Variants in DCBLD1 observed in about 807,000 individuals in gnomAD.
The protein encoded by DCBLD1 is discoidin, CUB and LCCL domain-containing protein 1.
DCBLD1 carries 57 observed loss-of-function variants against 71.5 expected under a neutral mutation model. That is an observed-to-expected ratio of 0.80 (90% CI 0.64 to 0.99). The LOEUF (loss-of-function observed/expected upper bound fraction) is 0.99. Among genes scored for constraint, DCBLD1 ranks in the 50% least tolerant of loss-of-function variants. The pLI is 0.00. For synonymous variants in DCBLD1, 380 were observed against 363.8 expected, an observed-to-expected ratio of 1.04 and a Z score of -0.51; for missense variants, 891 against 923.5, an observed-to-expected ratio of 0.96 and a Z score of 0.46.
In DCBLD1 at chr6:117,548,121, G is replaced by A; in HGVS notation, c.1830G>A (p.Leu610=). 1 of 1,549,800 alleles carries A rather than the reference G, an allele frequency of 6.5e-7. No homozygotes were observed. Among genetic ancestry groups the A allele is most frequent in the Non-Finnish European group, 8.7e-7 (1 of 1,146,596 alleles). The part of the protein sequence containing the change: ...YATPIVERHV[L]RAHTFSAQSG... ...CGCCCATCGTGGAGCGGCACGTGCT[G>A]CGCGCCCACACGTTCTCTGCGCAGA... is the stretch of plus-strand genomic sequence containing the variant. The change falls in exon 15 of 15, where the codon CTG becomes CTA. Residue 610 remains leucine, a synonymous_variant. Transcript: ENST00000338728.
rs1340800567 is a variant in DCBLD1, at chr6:117,549,035, G to C, written c.*596G>C. ...ACTTGAAGCATGAAAAGCACACCAG[G>C]GTGGTTGTTTATTTAGCAATTATGA... On this transcript the variant is annotated 3_prime_UTR_variant, in exon 15 of 15. Transcript: ENST00000338728. 1 of 986,270 alleles carries C rather than the reference G, an allele frequency of 1.0e-6. No individual in the cohort carries two copies. Among genetic ancestry groups the C allele is most frequent in the African/African-American group, 1.7e-5 (1 of 57,192 alleles). The allele number at this position is 986,270 out of a possible 1,614,324, so 61.1% of individuals were successfully genotyped here. A position where few individuals can be genotyped will look rare whatever the true frequency, so the allele number is the denominator to read the frequency against.
At position 117,564,213 on chromosome 6, in the gene DCBLD1, C is replaced by T. The variant is rs138088099; in HGVS notation, c.1616-5407C>T. On this transcript the variant is annotated intron_variant, in intron 14 of 14. Coordinates refer to the DCBLD1 transcript ENST00000296955. Reference sequence around the variant, plus strand: ...CAGGTTGGTAACTCCTGGCCTCAAGCGATCCTCCTGCCTTGGCCTCCCAAA... The same window carrying T: ...CAGGTTGGTAACTCCTGGCCTCAAGTGATCCTCCTGCCTTGGCCTCCCAAA... 9.7e-3 allele frequency among the ~76,000 whole-genome samples: 1,480 copies of T among 152,184 alleles called. 15 individuals are homozygous for T. The highest frequency in any genetic ancestry group is 0.017 in the Non-Finnish European group (1,131 of 67,998).
At chr6:117,523,707 A>G (rs1223104802) in intron 4 of DCBLD1, among the ~76,000 whole-genome samples, 2 of 152,218 alleles carry the variant, frequency 1.3e-5, no homozygotes, top group African/African-American at 4.8e-5. Flanking sequence ...GGAAAAAATT[A>G]TGGAATATTT....
At chr6:117,566,981 A>G (rs778892567) in intron 14 of DCBLD1, 2 of 1,610,394 alleles carry the variant, frequency 1.2e-6, no homozygotes, top group Admixed American at 3.4e-5. Flanking sequence ...CGTTTTCATC[A>G]TCAGAATCCA....
intron 1 of DCBLD1, among the ~76,000 whole-genome samples, chr6:117,498,300 A>G (rs1582971472): frequency 6.6e-6 from 1 of 152,194 alleles, no homozygotes; most frequent in East Asian, 1.9e-4. Context: ...GGCCCATTAC[A>G]GAGAGACCAC....
chr6:117,569,447 C>T, intron 14 of DCBLD1: 5 of 1,280,904 alleles, frequency 3.9e-6, no homozygotes, highest in Non-Finnish European at 5.3e-6. Context: ...AGCATTAAAT[C>T]AAAGGAAACA....
At chr6:117,489,340 A>G (rs1461087031) in intron 1 of DCBLD1, among the ~76,000 whole-genome samples, 1 of 152,184 alleles carries the variant, frequency 6.6e-6, no homozygotes, top group Non-Finnish European at 1.5e-5. Flanking sequence ...GCCATTCATG[A>G]GGGATCTGTC....
chr6:117,538,526 A>T, intron 7 of DCBLD1, 94 bp from the exon 8 acceptor site: 2 of 1,157,852 alleles, frequency 1.7e-6, no homozygotes, highest in Non-Finnish European at 2.5e-6. Flanking sequence ...AAAGTCAACT[A>T]GTTGAATATT....
chr6:117,523,677 G>T (rs1320457608), intron 4 of DCBLD1, among the ~76,000 whole-genome samples: 2 of 152,148 alleles, frequency 1.3e-5, no homozygotes, highest in South Asian at 2.1e-4. Flanking sequence ...CTGCAATGCA[G>T]GGACTCCAAA....
chr6:117,506,134 T>TACA (rs1398122846), intron 2 of DCBLD1, among the ~76,000 whole-genome samples: 1 of 152,132 alleles, frequency 6.6e-6, no homozygotes, highest in Non-Finnish European at 1.5e-5. Flanking sequence ...GGCACCTGCT[T>TACA]GGCTCTTACA....
chr6:117,551,364 C>CATTT (rs66551810), downstream of DCBLD1, among the ~76,000 whole-genome samples: 467 of 148,156 alleles, frequency 3.2e-3, no homozygotes, highest in East Asian at 0.017. Context: ...TGAGTATTTC[C>CATTT]ATTTATTTAT....
At chr6:117,493,143 A>AATATGCATGGCAAT (rs1477194190) in intron 1 of DCBLD1, among the ~76,000 whole-genome samples, 4 of 152,206 alleles carry the variant, frequency 2.6e-5, no homozygotes, top group Admixed American at 1.3e-4. Flanking sequence ...CACTTTAAAA[A>AATATGCATGGCAAT]ATATTCATGG....
rs1236535059 is a variant in DCBLD1 at position 117,486,826 on chromosome 6, C to T, written c.112+3933C>T. Among the ~76,000 whole-genome samples, 8 of 152,172 alleles carry T rather than the reference C, an allele frequency of 5.3e-5. No individual in the cohort carries two copies. The South Asian group carries it at 6.2e-4, about 12-fold the overall frequency. ...TGCAGACTGGTACCTGTCACTGGCCCGTTAGGAGCCGGGCCACACAGCAGG... is the reference window on the plus strand; with the variant it reads ...TGCAGACTGGTACCTGTCACTGGCCTGTTAGGAGCCGGGCCACACAGCAGG... On this transcript the variant is annotated intron_variant, in intron 1 of 14. Coordinates refer to ENST00000338728, the MANE Select transcript of DCBLD1 (RefSeq NM_001366458.2).
intron 11 of DCBLD1, among the ~76,000 whole-genome samples, chr6:117,542,664 A>G (rs1393917781): frequency 6.6e-6 from 1 of 152,128 alleles, no homozygotes; most frequent in East Asian, 1.9e-4. Flanking sequence ...CGAGGATCCC[A>G]GTTTTCCAGA....
chr6:117,556,491 G>T (rs117145491), intron 14 of DCBLD1, among the ~76,000 whole-genome samples: 2,086 of 152,254 alleles, frequency 0.014, 29 homozygotes, highest in South Asian at 0.045. Context: ...TTGTTTCTGA[G>T]TTAGTTCACT....
At chr6:117,516,686 C>A (rs11756993) in intron 2 of DCBLD1, among the ~76,000 whole-genome samples, 3,948 of 152,234 alleles carry the variant, frequency 0.026, 78 homozygotes, top group East Asian at 0.052. Flanking sequence ...GGGCAATTTA[C>A]AAAAGGTTTA....
chr6:117,549,682 T>C lies in DCBLD1; in HGVS notation c.*1243T>C, dbSNP rs541699670. 2 of 985,396 alleles carry C rather than the reference T, an allele frequency of 2.0e-6. No homozygotes were observed. Among genetic ancestry groups the C allele is most frequent in the East Asian group, 2.3e-4 (2 of 8,818 alleles). The allele number at this position is 985,396 out of a possible 1,614,324, so 61.0% of individuals were successfully genotyped here. A position where few individuals can be genotyped will look rare whatever the true frequency, so the allele number is the denominator to read the frequency against. Reference sequence around the variant, plus strand: ...TGTATATATGTTAAAATAATGGGGGTGCTGGAAGGTCATGGCAGACTAGCT... The same window carrying C: ...TGTATATATGTTAAAATAATGGGGGCGCTGGAAGGTCATGGCAGACTAGCT... On this transcript the variant is annotated 3_prime_UTR_variant, in exon 15 of 15. Coordinates refer to ENST00000338728, the MANE Select transcript of DCBLD1 (RefSeq NM_001366458.2).
Position 117,547,787 on chromosome 6 carries a change from C to A in DCBLD1, c.1616-120C>A, listed in dbSNP as rs561401266. 2.9e-5 allele frequency: 45 copies of A among 1,542,332 alleles called. No homozygotes were observed. In the South Asian group the frequency reaches 5.3e-4, roughly 18 times the overall value. On this transcript the variant is annotated intron_variant, in intron 14 of 14. Transcript: ENST00000338728. ...AGGGTTTTCCGCAGTGCCTGGGACACCTGAGGGCACCCGGGGGGAAAGTCA... is the reference window on the plus strand; with the variant it reads ...AGGGTTTTCCGCAGTGCCTGGGACAACTGAGGGCACCCGGGGGGAAAGTCA...
chr6:117,541,033 C>T lies in DCBLD1; in HGVS notation c.1357+8C>T, dbSNP rs765285021. On this transcript the variant is annotated splice_region_variant and intron_variant, in intron 11 of 14. Coordinates refer to ENST00000338728, the MANE Select transcript of DCBLD1 (RefSeq NM_001366458.2). ...CGGAAGAAACATCCACAGGTAGAGC[C>T]GTGATTGTCTGTGGTTTCATAAGGA... 8.7e-6 allele frequency: 14 copies of T among 1,613,564 alleles called. No homozygotes were observed. The highest frequency in any genetic ancestry group is 5.3e-5 in the African/African-American group (4 of 74,874).
Sources: allele counts gnomAD v4.1 joint callset (sites outside exome capture counted in the v4.1 genomes callset), GRCh38; gene constraint gnomAD v4.1.1; transcripts MANE v1.5; gene names NCBI Gene and HGNC (gene_info 2026-07-23, HGNC 2026-07-21).